Variants in SLC25A43 observed in about 807,000 individuals in gnomAD.
SLC25A43 encodes the protein solute carrier family 25 member 43, also known as solute carrier family 25, member 43.
SLC25A43 carries 10 observed loss-of-function variants against 22.8 expected under a neutral mutation model. The ratio of observed to expected loss-of-function variants is 0.44; its 90% CI spans 0.27 to 0.74. The LOEUF (loss-of-function observed/expected upper bound fraction) is 0.74. Ranked by LOEUF, SLC25A43 falls within the 30% of genes least tolerant of loss-of-function variation. The pLI is 0.17. For missense variants in SLC25A43, 233 were observed against 279.1 expected, an observed-to-expected ratio of 0.83 and a Z score of 1.18; for synonymous variants, 106 against 121.6, an observed-to-expected ratio of 0.87 and a Z score of 0.84.
chrX:119,406,325 C>A, intron 1 of SLC25A43, 135 bp from the exon 2 acceptor site: 1 of 697,140 alleles, frequency 1.4e-6, no homozygotes, highest in Non-Finnish European at 2.1e-6. Context: ...TTCATGAATG[C>A]TTATATAGTA....
intron 1 of SLC25A43, among the ~76,000 whole-genome samples, chrX:119,401,344 T>C (rs191764564): frequency 4.5e-5 from 5 of 111,780 alleles, no homozygotes; most frequent in African/African-American, 1.6e-4. Flanking sequence ...AGGGGCATGG[T>C]CCCTGTGCCC....
At chrX:119,404,000 T>TC (rs1234752466) in intron 1 of SLC25A43, among the ~76,000 whole-genome samples, 6 of 100,087 alleles carry the variant, frequency 6.0e-5, no homozygotes, top group Admixed American at 2.1e-4. Context: ...CTCCAGAACT[T>TC]TTTTTTTTTT....
chrX:119,409,759 G>A (rs2052333216), intron 2 of SLC25A43, among the ~76,000 whole-genome samples: 1 of 109,972 alleles, frequency 9.1e-6, no homozygotes, highest in African/African-American at 3.3e-5. Context: ...GGGATTACAG[G>A]TGCCCAACGC....
chrX:119,408,010 C>T (rs185905701), intron 2 of SLC25A43, among the ~76,000 whole-genome samples: 4 of 111,072 alleles, frequency 3.6e-5, no homozygotes, highest in East Asian at 5.7e-4. Context: ...CAGTCTTCCC[C>T]GTGCACTGCT....
chrX:119,410,496 C>A, intron 3 of SLC25A43, 134 bp downstream of exon 3: 1 of 659,262 alleles, frequency 1.5e-6, no homozygotes, highest in Non-Finnish European at 2.2e-6. Context: ...AAATACTGTG[C>A]AAACCCCCAC....
intron 3 of SLC25A43, chrX:119,426,321 CA>C: frequency 1.6e-6 from 1 of 612,940 alleles, no homozygotes; most frequent in South Asian, 8.4e-5. Context: ...CCACATAACC[CA>C]TCTGAGCCTC....
intron 3 of SLC25A43, chrX:119,434,575 G>A (rs894282511): frequency 9.2e-6 from 1 of 108,522 alleles, no homozygotes; most frequent in Non-Finnish European, 1.9e-5. Flanking sequence ...TGAGGAAGGA[G>A]GATCACTTGA....
intron 1 of SLC25A43, among the ~76,000 whole-genome samples, chrX:119,402,438 G>C (rs907025801): frequency 2.7e-5 from 3 of 111,611 alleles, no homozygotes; most frequent in African/African-American, 9.8e-5. Flanking sequence ...AGACCCCCCC[G>C]CCCTGGAACT....
intron 3 of SLC25A43, among the ~76,000 whole-genome samples, chrX:119,443,921 A>AT (rs1246824114): frequency 9.4e-6 from 1 of 105,971 alleles, no homozygotes; most frequent in East Asian, 3.0e-4. Context: ...TGCCCGGCTA[A>AT]TTTTTTTTTC....
At chrX:119,410,718 G>A (rs754032643) in intron 3 of SLC25A43, among the ~76,000 whole-genome samples, 4 of 110,345 alleles carry the variant, frequency 3.6e-5, no homozygotes, top group Admixed American at 9.6e-5. Context: ...GTGAAACCCC[G>A]CCTCTACTAA....
rs775215410 is a variant in SLC25A43, at chrX:119,419,585, T to C, written c.690+9223T>C. Among the ~76,000 whole-genome samples the C allele has an allele frequency of 6.3e-5, 7 of 111,618 alleles. No homozygotes were observed. In the South Asian group the frequency reaches 2.3e-3, roughly 36 times the overall value. On this transcript the variant is annotated intron_variant, in intron 3 of 4. Transcript: ENST00000217909. ...CCCCTCTTGTAGTTTTTCATGTTCA[T>C]ATCTACATCTTCAATCCTGACCTCC...
chrX:119,400,926 C>G (rs1169554604), intron 1 of SLC25A43, among the ~76,000 whole-genome samples: 3 of 111,374 alleles, frequency 2.7e-5, no homozygotes, highest in Non-Finnish European at 5.7e-5. Flanking sequence ...GTTTCTCCCC[C>G]ACTTCACCCT....
intron 3 of SLC25A43, among the ~76,000 whole-genome samples, chrX:119,449,874 G>C (rs182923428): frequency 8.9e-4 from 100 of 112,126 alleles, no homozygotes; most frequent in African/African-American, 3.1e-3. Context: ...ATGGAAAGGA[G>C]GATTGCTTGG....
intron 3 of SLC25A43, among the ~76,000 whole-genome samples, chrX:119,449,199 A>G (rs1918479603): frequency 9.1e-6 from 1 of 109,919 alleles, no homozygotes; most frequent in Admixed American, 9.8e-5. Context: ...GGATCACCTG[A>G]GGTCAGGAGT....
intron 2 of SLC25A43, among the ~76,000 whole-genome samples, 154 bp from the exon 3 acceptor site, chrX:119,410,036 C>T (rs2052335616): frequency 8.9e-6 from 1 of 111,936 alleles, no homozygotes; most frequent in Non-Finnish European, 1.9e-5. Flanking sequence ...TTATCGCACT[C>T]AAGAAAGTTC....
At chrX:119,429,792 C>T (rs2052537679) in intron 3 of SLC25A43, among the ~76,000 whole-genome samples, 1 of 111,470 alleles carries the variant, frequency 9.0e-6, no homozygotes, top group Non-Finnish European at 1.9e-5. Context: ...AGAAGATTTC[C>T]CTGGGGAAAT....
chrX:119,451,917 C>T (rs1329485591), intron 3 of SLC25A43, 92 bp from the exon 4 acceptor site: 9 of 1,188,259 alleles, frequency 7.6e-6, no homozygotes, highest in Non-Finnish European at 9.0e-6. Context: ...ACCCAGCATC[C>T]AGAATGTAGA....
At chrX:119,406,829 T>C in intron 2 of SLC25A43, 128 bp downstream of exon 2, 1 of 779,915 alleles carries the variant, frequency 1.3e-6, no homozygotes, top group Non-Finnish European at 1.8e-6. Context: ...TCAACCTACA[T>C]AGAGGCAATT....
rs138714378 is a variant in SLC25A43 at position 119,403,998 on chromosome X, CT to C, written c.276-2444del. On this transcript the variant is annotated intron_variant, in intron 1 of 4. Coordinates refer to ENST00000217909, the MANE Select transcript of SLC25A43 (RefSeq NM_145305.3). ...TAGTCACAAGTCCAGGCCTCCAGAA[CT>C]TTTTTTTTTTTTTTTTTAAGACTGA... Among the ~76,000 whole-genome samples the C allele has an allele frequency of 1.2e-3, 103 of 85,926 alleles. 1 individual carries two copies. The highest frequency in any genetic ancestry group is 1.1e-3 in the Non-Finnish European group (51 of 44,912). The allele number at this position is 85,926 out of a possible 115,157, so 74.6% of individuals were successfully genotyped here. A position where few individuals can be genotyped will look rare whatever the true frequency, so the allele number is the denominator to read the frequency against.
Sources: allele counts gnomAD v4.1 joint callset (sites outside exome capture counted in the v4.1 genomes callset), GRCh38; gene constraint gnomAD v4.1.1; transcripts MANE v1.5; gene names NCBI Gene and HGNC (gene_info 2026-07-23, HGNC 2026-07-21).